The following ITGAX variants were observed in gnomAD, a reference collection of about 807,000 sequenced individuals.
ITGAX encodes the protein integrin alpha-X.
In ITGAX, 99 loss-of-function variants were observed where a neutral mutation model predicts 140.2. The observed-to-expected ratio is 0.71, with a 90% confidence interval of 0.60 to 0.83. The LOEUF is 0.83. Ranked by LOEUF, ITGAX falls within the 40% of genes least tolerant of loss-of-function variation. The pLI is 0.00. For synonymous variants in ITGAX, 631 were observed against 600.4 expected (o/e 1.05, Z -0.75); for missense variants, 1,444 against 1,482.0 (o/e 0.97, Z 0.42).
At position 31,379,799 on chromosome 16, in the gene ITGAX, T is replaced by C. The variant is rs2230427; in HGVS notation, c.2911T>C (p.Phe971Leu). Residue 971 changes from phenylalanine (F) to leucine (L), a missense_variant, in exon 25 of 30, where the codon TTC (phenylalanine) becomes CTC (leucine). Phe to Leu is a conservative substitution (Grantham distance 22). Coordinates refer to ENST00000268296, the MANE Select transcript of ITGAX (RefSeq NM_000887.5). ...GQRDLPVSIN[F>L]WVPVELNQEA... ...GAGGGACCTGCCTGTCAGCATCAAC[T>C]TCTGGGTGCCTGTGGAGCTGAACCA... is the stretch of plus-strand genomic sequence containing the variant. 9.7e-3 allele frequency: 15,585 copies of C among 1,614,120 alleles called. 1,124 individuals carry two copies. In the African/African-American group the frequency reaches 0.17, roughly 17 times the overall value.
At chr16:31,363,732 AC>A (rs1319230016) in intron 14 of ITGAX, among the ~76,000 whole-genome samples, 1 of 152,252 alleles carries the variant, frequency 6.6e-6, no homozygotes, top group East Asian at 1.9e-4. Flanking sequence ...GGCGTGAGCC[AC>A]CATGCCCAGG....
At chr16:31,371,532 A>G (rs1299335753) in intron 16 of ITGAX, 35 bp downstream of exon 16, 3 of 1,610,864 alleles carry the variant, frequency 1.9e-6, no homozygotes, top group East Asian at 2.2e-5. Flanking sequence ...GGACACCCTG[A>G]CCTCTGGAGT....
At chr16:31,356,877 C>T in intron 3 of ITGAX, 149 bp downstream of exon 3, 1 of 816,668 alleles carries the variant, frequency 1.2e-6, no homozygotes, top group East Asian at 2.6e-5. Flanking sequence ...TTAAGGCCTC[C>T]CCGCCCATCG....
chr16:31,361,595 C>T (rs780898321), intron 9 of ITGAX: 39 of 719,364 alleles, frequency 5.4e-5, no homozygotes, highest in Non-Finnish European at 8.8e-5. Context: ...CTCGGGTCTG[C>T]TTGTAGACCT....
chr16:31,371,778 G>C lies in ITGAX; in HGVS notation c.2154G>C (p.Leu718=). 6.2e-7 allele frequency: 1 copy of C among 1,613,846 alleles called. No homozygotes were observed. Among genetic ancestry groups the C allele is most frequent in the Non-Finnish European group, 8.5e-7 (1 of 1,179,992 alleles). The change falls in exon 17 of 30, where the codon CTG becomes CTC. Residue 718 remains leucine, a synonymous_variant. Transcript: ENST00000268296. ...LKAHCENFNL[L]LPSCVEDSVT... ...CACACTGTGAAAACTTCAACCTGCTGCTCCCGGTGCGTCTGGGCATGAACG... is the reference window on the plus strand; with the variant it reads ...CACACTGTGAAAACTTCAACCTGCTCCTCCCGGTGCGTCTGGGCATGAACG...
At chr16:31,357,512 T>TGCCCGCACATCCTGCCGATC in intron 5 of ITGAX, 148 bp downstream of exon 5, 1 of 605,628 alleles carries the variant, frequency 1.7e-6, no homozygotes, top group Non-Finnish European at 2.9e-6. Context: ...CTGACGCTGC[T>TGCCCGCACATCCTGCCGATC]GCCCGCACAT....
Position 31,382,878 on chromosome 16 carries a change from TA to T in ITGAX, c.*972del, listed in dbSNP as rs1185219611. 2 of 196,594 alleles carry T rather than the reference TA, an allele frequency of 1.0e-5. No homozygotes were observed. The highest frequency in any genetic ancestry group is 2.3e-5 in the African/African-American group (1 of 43,008). 12.2% of individuals were successfully genotyped at this position (196,594 alleles called of 1,614,324 possible). A position where few individuals can be genotyped will look rare whatever the true frequency, so the allele number is the denominator to read the frequency against. The stretch of plus-strand genomic sequence containing the variant: ...ACCTGAAAAAATGCCAAGACATGAT[TA>T]TTTTTTTAAAAAGCGTACTTTAAAT... On this transcript the variant is annotated 3_prime_UTR_variant, in exon 30 of 30. Coordinates refer to ENST00000268296, the MANE Select transcript of ITGAX (RefSeq NM_000887.5).
At chr16:31,372,811 CT>C in intron 19 of ITGAX, 141 bp downstream of exon 19, 1 of 818,538 alleles carries the variant, frequency 1.2e-6, no homozygotes, top group South Asian at 1.7e-5. Context: ...TGGCTCACGC[CT>C]GTAATCCCAG....
In ITGAX at chr16:31,382,795, C is replaced by G. The variant is rs2081081715; in HGVS notation, c.*888C>G. ...GGCCCCGGTGCGGCTGCAGCTCACCCAGCCCCAGGGGCAGAAGAGACCCAA... is the reference window on the plus strand; with the variant it reads ...GGCCCCGGTGCGGCTGCAGCTCACCGAGCCCCAGGGGCAGAAGAGACCCAA... On this transcript the variant is annotated 3_prime_UTR_variant, in exon 30 of 30. Coordinates refer to ENST00000268296, the MANE Select transcript of ITGAX (RefSeq NM_000887.5). The G allele has an allele frequency of 2.2e-6, 1 of 448,206 alleles. No homozygotes were observed. The highest frequency in any genetic ancestry group is 4.0e-5 in the East Asian group (1 of 24,742). 27.8% of individuals were successfully genotyped at this position (448,206 alleles called of 1,614,324 possible).
In ITGAX at chr16:31,355,277, T is replaced by A; in HGVS notation, c.23T>A (p.Leu8His). The A allele has an allele frequency of 6.2e-7, 1 of 1,613,784 alleles. No individual in the cohort carries two copies. The highest frequency in any genetic ancestry group is 8.5e-7 in the Non-Finnish European group (1 of 1,179,962). MTRTRAA[L>H]LLFTALATSL... ...GTCATGACCAGGACCAGGGCAGCAC[T>A]CCTCCTGTTCACAGGTGAGCCTGGA... Residue 8 changes from leucine (L) to histidine (H), a missense_variant, in exon 1 of 30, where the codon CTC becomes CAC. By Grantham distance (99) the Leu-to-His change is moderately conservative. Transcript: ENST00000268296.
At chr16:31,371,559 C>T in intron 16 of ITGAX, 62 bp downstream of exon 16, 2 of 1,609,844 alleles carry the variant, frequency 1.2e-6, no homozygotes, top group Non-Finnish European at 1.7e-6. Context: ...TCCCAGGCCC[C>T]TGTCTCCCAC....
intron 17 of ITGAX, 114 bp downstream of exon 17, chr16:31,371,898 G>A (rs2142515665): frequency 1.6e-6 from 2 of 1,278,744 alleles, no homozygotes; most frequent in Non-Finnish European, 2.1e-6. Flanking sequence ...CACAGGACCA[G>A]CCATGCAGGA....
chr16:31,365,544 A>G (rs528339148), intron 14 of ITGAX, among the ~76,000 whole-genome samples: 22 of 152,246 alleles, frequency 1.4e-4, no homozygotes, highest in Admixed American at 2.6e-4. Flanking sequence ...TGCTGCTGTG[A>G]GGATTAAATG....
chr16:31,380,490 C>T (rs780635410), intron 27 of ITGAX, 33 bp from the exon 28 acceptor site: 1 of 1,613,738 alleles, frequency 6.2e-7, no homozygotes, highest in Admixed American at 1.7e-5. Flanking sequence ...CCCCCAGAGC[C>T]AGTTCAACAG....
chr16:31,359,978 G>A lies in ITGAX; in HGVS notation c.620G>A (p.Arg207Lys). 1 of 1,614,130 alleles carries A rather than the reference G, an allele frequency of 6.2e-7. No homozygotes were observed. The highest frequency in any genetic ancestry group is 1.3e-5 in the African/African-American group (1 of 75,040). ...ACACACTTCACTTTCGAGGAATTCA[G>A]GCGCAGCTCAAACCCCCTCAGCCTG... ...FQTHFTFEEF[R>K]RSSNPLSLLA... Residue 207 changes from arginine (R) to lysine (K), a missense_variant, in exon 7 of 30, where the codon AGG (arginine) becomes AAG (lysine). By Grantham distance (26) the Arg-to-Lys change is conservative. Coordinates refer to ENST00000268296, the MANE Select transcript of ITGAX (RefSeq NM_000887.5).
rs982074235 is a variant in ITGAX at position 31,382,225 on chromosome 16, T to G, written c.*318T>G. ...TGAGGCACGAATGATCTTTCTTTCCTTTCTTTTTTTTTTTTTTTCTTTTCT... is the reference window on the plus strand; with the variant it reads ...TGAGGCACGAATGATCTTTCTTTCCGTTCTTTTTTTTTTTTTTTCTTTTCT... On this transcript the variant is annotated 3_prime_UTR_variant, in exon 30 of 30. Transcript: ENST00000268296. 87 of 1,207,198 alleles carry G rather than the reference T, an allele frequency of 7.2e-5. No individual in the cohort carries two copies. The highest frequency in any genetic ancestry group is 8.3e-5 in the Non-Finnish European group (79 of 949,086). The allele number at this position is 1,207,198 out of a possible 1,614,324, so 74.8% of individuals were successfully genotyped here. A position where few individuals can be genotyped will look rare whatever the true frequency, so the allele number is the denominator to read the frequency against.
chr16:31,381,933 T>TC lies in ITGAX; in HGVS notation c.*31dup. On this transcript the variant is annotated 3_prime_UTR_variant, in exon 30 of 30. Coordinates refer to ENST00000268296, the MANE Select transcript of ITGAX (RefSeq NM_000887.5). The stretch of plus-strand genomic sequence containing the variant: ...TCCCCTCTTTGCCTTGGACTTCTTC[T>TC]CCCCCGCGAGTTTTCCCCACTTACT... 1 of 1,074,110 alleles carries TC rather than the reference T, an allele frequency of 9.3e-7. No homozygotes were observed. The highest frequency in any genetic ancestry group is 1.5e-6 in the Non-Finnish European group (1 of 687,726). 66.5% of individuals were successfully genotyped at this position (1,074,110 alleles called of 1,614,324 possible). A position where few individuals can be genotyped will look rare whatever the true frequency, so the allele number is the denominator to read the frequency against.
rs768233257 is a variant in ITGAX, at chr16:31,371,463, C to T, written c.1971C>T (p.Tyr657=). 82 of 1,614,042 alleles carry T rather than the reference C, an allele frequency of 5.1e-5. No individual in the cohort carries two copies. The highest frequency in any genetic ancestry group is 6.5e-5 in the Non-Finnish European group (77 of 1,180,018). Residue 657 remains tyrosine, a synonymous_variant, in exon 16 of 30, where the codon TAC becomes TAT. Coordinates refer to ENST00000268296, the MANE Select transcript of ITGAX (RefSeq NM_000887.5). ...TGGTACAGTCCAACATCTGCCTTTA[C>T]ATTGACAAACGTTCTAAGAACCTGC... ...QTLVQSNICL[Y]IDKRSKNLLG...
chr16:31,356,639 C>T lies in ITGAX; in HGVS notation c.158C>T (p.Ala53Val), dbSNP rs764269268. 2 of 1,597,622 alleles carry T rather than the reference C, an allele frequency of 1.3e-6. No homozygotes were observed. The highest frequency in any genetic ancestry group is 2.3e-5 in the East Asian group (1 of 44,320). ...QYANSWVVVG[A>V]PQKITAANQT... is the part of the protein sequence containing the mutation. ...TCTCCTCGCAGGGTGGTGGTTGGAG[C>T]CCCCCAAAAGATAACAGCTGCCAAC... is the stretch of plus-strand genomic sequence containing the variant. Residue 53 changes from alanine (A) to valine (V), a missense_variant, in exon 3 of 30, where the codon GCC becomes GTC. Ala to Val is a moderately conservative substitution (Grantham distance 64). Transcript: ENST00000268296.
Sources: gnomAD v4.1 joint callset for allele counts (sites outside exome capture counted in the v4.1 genomes callset) on GRCh38, gnomAD v4.1.1 for gene constraint, MANE v1.5 for transcripts, NCBI Gene and HGNC (gene_info 2026-07-23, HGNC 2026-07-21) for gene names.